The following GRM8 variants were observed in gnomAD, a reference collection of about 807,000 sequenced individuals.
GRM8 encodes glutamate metabotropic receptor 8.
GRM8 carries 47 observed loss-of-function variants against 87.2 expected under a neutral mutation model. The observed-to-expected ratio is 0.54, with a 90% CI of 0.43 to 0.69. The LOEUF (loss-of-function observed/expected upper bound fraction) is 0.69, where lower values mean the gene tolerates loss of function less well. Among genes scored for constraint, GRM8 ranks in the 30% least tolerant of loss-of-function variants. GRM8 has a pLI of 0.00. For missense variants in GRM8, 1,019 were observed against 1,139.2 expected, an observed-to-expected ratio of 0.89 and a Z score of 1.52; for synonymous variants, 396 against 404.5, an observed-to-expected ratio of 0.98 and a Z score of 0.25.
intron 9 of GRM8, among the ~76,000 whole-genome samples, chr7:126,461,264 A>G (rs1803868282): frequency 6.6e-6 from 1 of 151,522 alleles, no homozygotes; most frequent in African/African-American, 2.4e-5. Flanking sequence ...TATTCCACTG[A>G]ACCAACTAGA....
intron 3 of GRM8, among the ~76,000 whole-genome samples, chr7:127,056,680 G>T (rs189408269): frequency 4.6e-5 from 7 of 152,230 alleles, no homozygotes; most frequent in Admixed American, 4.6e-4. Flanking sequence ...ACAGCCTGTT[G>T]GTTAACGTTA....
At chr7:126,801,402 A>G (rs1822668487) in intron 6 of GRM8, among the ~76,000 whole-genome samples, 1 of 152,218 alleles carries the variant, frequency 6.6e-6, no homozygotes, top group Admixed American at 6.5e-5. Context: ...ATCTAGATCT[A>G]TAATTATTAA....
At chr7:127,155,731 T>G (rs1792681090) in intron 2 of GRM8, among the ~76,000 whole-genome samples, 1 of 152,190 alleles carries the variant, frequency 6.6e-6, no homozygotes, top group African/African-American at 2.4e-5. Context: ...TCAATAAACA[T>G]GTTTATAAAA....
intron 3 of GRM8, among the ~76,000 whole-genome samples, chr7:126,972,018 C>A (rs1005036846): frequency 3.9e-4 from 59 of 152,292 alleles, no homozygotes; most frequent in African/African-American, 1.3e-3. Context: ...GAGGTAGAGA[C>A]AGGGTCTGCA....
intron 9 of GRM8, among the ~76,000 whole-genome samples, chr7:126,487,215 A>G (rs1807472849): frequency 6.6e-6 from 1 of 152,000 alleles, no homozygotes; most frequent in Non-Finnish European, 1.5e-5. Context: ...ATTTTCTTCT[A>G]GATTTAATCT....
chr7:126,577,008 C>T (rs1302437139), intron 8 of GRM8, among the ~76,000 whole-genome samples: 2 of 152,142 alleles, frequency 1.3e-5, no homozygotes, highest in African/African-American at 4.8e-5. Flanking sequence ...CACTACCAAC[C>T]CAATGGCTCC....
At chr7:126,480,785 T>C (rs895754029) in intron 9 of GRM8, among the ~76,000 whole-genome samples, 1 of 152,012 alleles carries the variant, frequency 6.6e-6, no homozygotes, top group Non-Finnish European at 1.5e-5. Context: ...TTAGTGCATA[T>C]ACATGTTTTC....
At chr7:126,667,697 A>AT (rs1432872180) in intron 7 of GRM8, among the ~76,000 whole-genome samples, 3 of 152,190 alleles carry the variant, frequency 2.0e-5, no homozygotes, top group Non-Finnish European at 4.4e-5. Context: ...CAAGACAGGT[A>AT]TTTAAAGGCA....
chr7:126,561,294 A>G (rs1053434423), intron 8 of GRM8, among the ~76,000 whole-genome samples: 2 of 152,186 alleles, frequency 1.3e-5, no homozygotes, highest in South Asian at 4.2e-4. Flanking sequence ...AATATGGTGA[A>G]ACCGCATCTC....
chr7:126,998,183 T>C (rs1443379773), intron 3 of GRM8, among the ~76,000 whole-genome samples: 1 of 151,978 alleles, frequency 6.6e-6, no homozygotes, highest in Non-Finnish European at 1.5e-5. Context: ...TTTCGATTGA[T>C]GCTGAAAAAC....
chr7:126,514,057 G>C (rs1322191224), intron 9 of GRM8, among the ~76,000 whole-genome samples: 6 of 152,082 alleles, frequency 3.9e-5, no homozygotes, highest in Admixed American at 3.3e-4. Flanking sequence ...AAAATGTCCT[G>C]CTTACCTATT....
chr7:126,883,806 T>C (rs937472509), intron 6 of GRM8, among the ~76,000 whole-genome samples: 2 of 152,156 alleles, frequency 1.3e-5, no homozygotes, highest in African/African-American at 2.4e-5. Flanking sequence ...CCCATGTCTA[T>C]TGGTTGTATA....
In GRM8 at chr7:126,769,942, T is replaced by C; in HGVS notation, c.1280A>G (p.Tyr427Cys). The change falls in exon 7 of 11, where the codon TAC (tyrosine) becomes TGC (cysteine). Residue 427 changes from tyrosine to cysteine, a missense_variant. Coordinates refer to ENST00000339582, the MANE Select transcript of GRM8 (RefSeq NM_000845.3). ...HNMHKDLCPG[Y>C]IGLCPRMSTI... ...ACTCATTCGTGGACAAAGGCCAATG[T>C]ATCCAGGGCAGAGATCTTTGTGCAT... is the stretch of plus-strand genomic sequence containing the variant. 4 of 1,612,806 alleles carry C rather than the reference T, an allele frequency of 2.5e-6. No individual in the cohort carries two copies. Among genetic ancestry groups the C allele is most frequent in the African/African-American group, 1.3e-5 (1 of 75,004 alleles).
chr7:127,139,241 T>C (rs1828119901), intron 2 of GRM8, among the ~76,000 whole-genome samples: 2 of 152,166 alleles, frequency 1.3e-5, no homozygotes. Flanking sequence ...CTGCACTTTG[T>C]ACATTAAGTG....
At chr7:126,783,431 C>T (rs894569170) in intron 6 of GRM8, among the ~76,000 whole-genome samples, 1 of 152,134 alleles carries the variant, frequency 6.6e-6, no homozygotes, top group African/African-American at 2.4e-5. Context: ...CAGTAAAGTA[C>T]AGTAAGGAAA....
chr7:126,917,921 G>C (rs1274570003), intron 3 of GRM8, among the ~76,000 whole-genome samples: 2 of 152,052 alleles, frequency 1.3e-5, no homozygotes, highest in Non-Finnish European at 2.9e-5. Context: ...CATAAACCCG[G>C]GTCTGCCTGT....
intron 6 of GRM8, among the ~76,000 whole-genome samples, chr7:126,901,185 C>T (rs1166706165): frequency 2.0e-5 from 3 of 152,120 alleles, no homozygotes; most frequent in African/African-American, 4.8e-5. Flanking sequence ...CTTACTCTGG[C>T]GCTAGAGCTT....
intron 7 of GRM8, among the ~76,000 whole-genome samples, chr7:126,681,914 GTTAA>G (rs1807639943): frequency 6.6e-6 from 1 of 151,978 alleles, no homozygotes. Flanking sequence ...ATTATTTACG[GTTAA>G]TTATCATGGG....
intron 7 of GRM8, among the ~76,000 whole-genome samples, chr7:126,699,782 C>T (rs1486526402): frequency 4.6e-5 from 7 of 152,118 alleles, no homozygotes; most frequent in Non-Finnish European, 8.8e-5. Flanking sequence ...CCAGAAATGC[C>T]CTAAGCCCAC....
Sources: gnomAD v4.1 joint callset for allele counts (sites outside exome capture counted in the v4.1 genomes callset) on GRCh38, gnomAD v4.1.1 for gene constraint, MANE v1.5 for transcripts, NCBI Gene and HGNC (gene_info 2026-07-23, HGNC 2026-07-21) for gene names.